Variants in RDX observed in about 807,000 individuals in gnomAD.
RDX encodes deafness, autosomal recessive 24.
In RDX, 32 loss-of-function variants were observed where a neutral mutation model predicts 83.7. The observed-to-expected ratio is 0.38, with a 90% confidence interval of 0.29 to 0.51. The LOEUF (loss-of-function observed/expected upper bound fraction) is 0.51. Ranked by LOEUF, RDX falls within the 20% of genes least tolerant of loss-of-function variation. The pLI, the probability that RDX is intolerant of heterozygous loss-of-function variation, is 0.87. For missense variants in RDX, 600 were observed against 689.9 expected, an observed-to-expected ratio of 0.87 and a Z score of 1.46; for synonymous variants, 229 against 222.7, an observed-to-expected ratio of 1.03 and a Z score of -0.25.
At chr11:110,295,959 T>C (rs10789761) in intron 1 of RDX, among the ~76,000 whole-genome samples, 112,011 of 152,204 alleles carry the variant, frequency 0.74, 41,412 homozygotes, top group East Asian at 0.91. Context: ...TCTAGTAATT[T>C]AACACCCCTC....
intron 15 of RDX, among the ~76,000 whole-genome samples, chr11:110,186,745 G>A (rs956324477): frequency 6.6e-6 from 1 of 152,190 alleles, no homozygotes; most frequent in African/African-American, 2.4e-5. Context: ...AAGCCCTGGA[G>A]CGGACTTATG....
chr11:110,232,455 T>C (rs1333418271), intron 13 of RDX, among the ~76,000 whole-genome samples: 3 of 152,152 alleles, frequency 2.0e-5, no homozygotes, highest in Non-Finnish European at 2.9e-5. Flanking sequence ...TTAGATAACT[T>C]ATTGGGAAAA....
chr11:110,264,920 C>A (rs1234945690), intron 3 of RDX, 46 bp from the exon 4 acceptor site: 1 of 1,355,816 alleles, frequency 7.4e-7, no homozygotes, highest in South Asian at 1.2e-5. Flanking sequence ...GTCCAACATA[C>A]ACATTGTGTC....
chr11:110,289,876 A>G (rs911552804), intron 1 of RDX, among the ~76,000 whole-genome samples: 6 of 147,056 alleles, frequency 4.1e-5, no homozygotes, highest in Admixed American at 6.9e-5. Context: ...GGTGAATTGC[A>G]TGAATCCAGG....
At chr11:110,260,875 T>C (rs573848721) in intron 5 of RDX, among the ~76,000 whole-genome samples, 17 of 152,342 alleles carry the variant, frequency 1.1e-4, no homozygotes, top group South Asian at 6.2e-4. Flanking sequence ...ACAAATGCTA[T>C]GTATTGTTAT....
chr11:110,239,922 T>A (rs1865014767), intron 10 of RDX, among the ~76,000 whole-genome samples: 1 of 150,912 alleles, frequency 6.6e-6, no homozygotes, highest in Admixed American at 6.6e-5. Flanking sequence ...TTGGTGGGAA[T>A]GCAAATTAGT....
At position 110,196,642 on chromosome 11, in the gene RDX, C is replaced by T. The variant is rs188094845; in HGVS notation, c.*31+2939G>A. ...GAGTTCACCTTATTTACACCAGCTC[C>T]GTCTGACCCACCTCAGGCCCCTTCC... On this transcript the variant is annotated intron_variant, in intron 15 of 15. Transcript: ENST00000528498. Among the ~76,000 whole-genome samples, 802 of 152,298 alleles carry T rather than the reference C, an allele frequency of 5.3e-3. 10 individuals are homozygous for T. Among genetic ancestry groups the T allele is most frequent in the Non-Finnish European group, 5.0e-3 (343 of 68,030 alleles).
chr11:110,254,134 A>T (rs1383642079), intron 8 of RDX, 25 bp from the exon 9 acceptor site: 1 of 1,599,746 alleles, frequency 6.3e-7, no homozygotes, highest in Admixed American at 1.7e-5. Flanking sequence ...TTCTGAATTT[A>T]AAATCTTCCT....
At chr11:110,184,644 C>T (rs1401764733) in intron 15 of RDX, among the ~76,000 whole-genome samples, 1 of 152,162 alleles carries the variant, frequency 6.6e-6, no homozygotes, top group Non-Finnish European at 1.5e-5. Context: ...CTGGAACAGC[C>T]ACACTGTGCC....
chr11:110,226,068 A>AG (rs1201043135), downstream of RDX, among the ~76,000 whole-genome samples: 1 of 101,358 alleles, frequency 9.9e-6, no homozygotes, highest in Non-Finnish European at 2.7e-5. Context: ...CTCCATCTCA[A>AG]AAAAAAAAAA....
downstream of RDX, among the ~76,000 whole-genome samples, chr11:110,224,474 G>A (rs983389768): frequency 2.6e-5 from 4 of 152,084 alleles, no homozygotes; most frequent in Non-Finnish European, 5.9e-5. Context: ...CCAGAGAAAT[G>A]CTCTGAAAAA....
rs148713627 is a variant in RDX at position 110,183,578 on chromosome 11, C to T, written c.*32-8344G>A. Among the ~76,000 whole-genome samples, 282 of 152,348 alleles carry T rather than the reference C, an allele frequency of 1.9e-3. 1 individual carries two copies. Among genetic ancestry groups the T allele is most frequent in the African/African-American group, 6.5e-3 (269 of 41,570 alleles). ...GTCTCAAGCGATCCTTCTGCCTCTG[C>T]CTCCCAAAGTGCTGGGATCACAGGC... On this transcript the variant is annotated intron_variant, in intron 15 of 15. Transcript: ENST00000528498.
intron 14 of RDX, among the ~76,000 whole-genome samples, chr11:110,221,601 A>AACACACACACACACACAC (rs60766252): frequency 9.7e-5 from 13 of 133,594 alleles, no homozygotes; most frequent in Admixed American, 4.6e-4. Context: ...CTGTCTCCAA[A>AACACACACACACACACAC]ACACACACAC....
intron 14 of RDX, among the ~76,000 whole-genome samples, chr11:110,218,622 C>T (rs1020101440): frequency 6.6e-6 from 1 of 152,216 alleles, no homozygotes; most frequent in Non-Finnish European, 1.5e-5. Context: ...TAGTATTTCA[C>T]GGTACTACCT....
intron 14 of RDX, among the ~76,000 whole-genome samples, chr11:110,220,348 C>G (rs1423078657): frequency 6.6e-6 from 1 of 152,176 alleles, no homozygotes; most frequent in Non-Finnish European, 1.5e-5. Flanking sequence ...TCAACACTCA[C>G]AAGATTAATA....
intron 15 of RDX, among the ~76,000 whole-genome samples, chr11:110,187,998 A>C (rs1565281636): frequency 6.6e-6 from 1 of 152,206 alleles, no homozygotes; most frequent in Non-Finnish European, 1.5e-5. Flanking sequence ...TAAAAAGAAC[A>C]AAAGAATGGC....
chr11:110,267,567 A>ACAC (rs1565324982), intron 3 of RDX, among the ~76,000 whole-genome samples: 2 of 110,972 alleles, frequency 1.8e-5, no homozygotes, highest in Non-Finnish European at 4.1e-5. Context: ...CACACACACA[A>ACAC]ATAATCTTAA....
chr11:110,268,634 G>A (rs1860159582), intron 3 of RDX, among the ~76,000 whole-genome samples: 1 of 152,114 alleles, frequency 6.6e-6, no homozygotes, highest in Admixed American at 6.5e-5. Context: ...GCCCCACAGT[G>A]GGCACAGGGG....
intron 1 of RDX, among the ~76,000 whole-genome samples, chr11:110,289,476 A>G (rs1054753991): frequency 2.0e-5 from 3 of 152,174 alleles, no homozygotes; most frequent in African/African-American, 7.2e-5. Context: ...CTAAGTTTTT[A>G]TAGTTTTTCT....
Sources: gnomAD v4.1 joint callset for allele counts (sites outside exome capture counted in the v4.1 genomes callset) on GRCh38, gnomAD v4.1.1 for gene constraint, MANE v1.5 for transcripts, NCBI Gene and HGNC (gene_info 2026-07-23, HGNC 2026-07-21) for gene names.